The following CPSF4L variants were observed in gnomAD, a reference collection of about 807,000 sequenced individuals.
The protein encoded by CPSF4L is cleavage and polyadenylation specific factor 4 like.
Under a neutral mutation model 24.0 loss-of-function variants are expected in CPSF4L, and 18 were observed. The ratio of observed to expected loss-of-function variants is 0.75; its 90% confidence interval spans 0.52 to 1.11. The LOEUF is 1.11. Ranked by LOEUF, CPSF4L falls within the 50% of genes least tolerant of loss-of-function variation. The pLI is 0.00. For missense variants in CPSF4L, 211 were observed against 221.8 expected, an observed-to-expected ratio of 0.95 and a Z score of 0.31; for synonymous variants, 72 against 77.2, an observed-to-expected ratio of 0.93 and a Z score of 0.35.
rs1274947184 is a variant in CPSF4L, at chr17:73,251,062, C to G, written c.497+1568G>C. On this transcript the variant is annotated intron_variant, in intron 5 of 5. Coordinates refer to ENST00000344935, the MANE Select transcript of CPSF4L (RefSeq NM_001129885.1). Reference sequence around the variant, plus strand: ...GATGGGGGTTTCCAAGCTTCCACAGCAGAAATAGGAGGTGCTGAATCCCGG... The same window carrying G: ...GATGGGGGTTTCCAAGCTTCCACAGGAGAAATAGGAGGTGCTGAATCCCGG... The G allele has an allele frequency of 2.6e-6, 4 of 1,549,676 alleles. No homozygotes were observed. The Admixed American group carries it at 5.9e-5, about 23-fold the overall frequency.
chr17:73,246,736 A>G (rs546528795), downstream of CPSF4L, among the ~76,000 whole-genome samples: 5 of 152,304 alleles, frequency 3.3e-5, no homozygotes, highest in East Asian at 7.7e-4. Context: ...TCAGCAATAT[A>G]TCCCTGTATC....
intron 5 of CPSF4L, 114 bp downstream of exon 5, chr17:73,252,516 C>T (rs1411835275): frequency 2.8e-6 from 2 of 721,068 alleles, no homozygotes; most frequent in Non-Finnish European, 4.9e-6. Context: ...GGAGCGGATG[C>T]TTGCCAGATG....
chr17:73,257,948 CT>C, intron 2 of CPSF4L, 115 bp from the exon 3 acceptor site: 1 of 1,097,920 alleles, frequency 9.1e-7, no homozygotes, highest in Non-Finnish European at 1.3e-6. Flanking sequence ...CGGCTGTCCC[CT>C]TATCCCTTCA....
At chr17:73,242,309 TC>T in the CPSF4L span, 1 of 1,605,594 alleles carries the variant, frequency 6.2e-7, no homozygotes, top group Admixed American at 1.7e-5. Context: ...ACTTACAACC[TC>T]CAACTTCTCT....
rs1307926379 is a variant in CPSF4L at position 73,260,997 on chromosome 17, AG to A, written c.104-15del. On this transcript the variant is annotated splice_polypyrimidine_tract_variant and intron_variant, in intron 1 of 5. Coordinates refer to ENST00000344935, the MANE Select transcript of CPSF4L (RefSeq NM_001129885.1). Reference sequence around the variant, plus strand: ...CTGAGGCCGACTCTGGAAGGAGAAGAGGGAACGGAGAAGGTAGCTTCCCCAG... The same window carrying A: ...CTGAGGCCGACTCTGGAAGGAGAAGAGGAACGGAGAAGGTAGCTTCCCCAG... 6.5e-7 allele frequency: 1 copy of A among 1,548,978 alleles called. No individual in the cohort carries two copies. The highest frequency in any genetic ancestry group is 8.7e-7 in the Non-Finnish European group (1 of 1,145,262).
At chr17:73,261,517 T>C (rs979136421) in intron 1 of CPSF4L, among the ~76,000 whole-genome samples, 199 bp downstream of exon 1, 3 of 152,086 alleles carry the variant, frequency 2.0e-5, no homozygotes, top group Admixed American at 1.3e-4. Context: ...AAAAATCAGC[T>C]GGGCGTGGTG....
At chr17:73,262,008 G>C (rs917296757), upstream of CPSF4L, 23 of 590,718 alleles carry the variant, frequency 3.9e-5, no homozygotes, top group East Asian at 2.5e-4. Flanking sequence ...TGCCTCACCC[G>C]GCCCACCCAG....
At chr17:73,259,054 T>G (rs1361740233) in intron 2 of CPSF4L, among the ~76,000 whole-genome samples, 1 of 152,148 alleles carries the variant, frequency 6.6e-6, no homozygotes, top group African/African-American at 2.4e-5. Context: ...TTTATTTATT[T>G]ATTTGAGACA....
upstream of CPSF4L, chr17:73,262,092 C>T (rs527498244): frequency 5.4e-5 from 24 of 445,994 alleles, no homozygotes; most frequent in South Asian, 9.7e-5. Flanking sequence ...GGGAGGGATT[C>T]GCAGAGCCCC....
downstream of CPSF4L, chr17:73,247,247 T>C (rs763893760): frequency 9.9e-6 from 16 of 1,614,016 alleles, no homozygotes; most frequent in East Asian, 3.6e-4. Context: ...ACAGAAAAAT[T>C]GTGCCGACCC....
At chr17:73,263,224 G>C (rs1210263167), upstream of CPSF4L, among the ~76,000 whole-genome samples, 1 of 152,188 alleles carries the variant, frequency 6.6e-6, no homozygotes, top group Non-Finnish European at 1.5e-5. Flanking sequence ...GCGCAGGCAG[G>C]ACTGATGAGG....
intron 5 of CPSF4L, among the ~76,000 whole-genome samples, chr17:73,250,445 C>G (rs1469287472): frequency 6.6e-6 from 1 of 152,164 alleles, no homozygotes; most frequent in Non-Finnish European, 1.5e-5. Flanking sequence ...TTCAGGCATT[C>G]AAGCCCAGCA....
Position 73,250,624 on chromosome 17 carries a change from A to AT in CPSF4L, c.497+2005dup, listed in dbSNP as rs138270042. Among the ~76,000 whole-genome samples the AT allele has an allele frequency of 6.6e-5, 10 of 152,034 alleles. No individual in the cohort carries two copies. In the South Asian group the frequency reaches 8.3e-4, roughly 13 times the overall value. ...GAGAATGAAGATATGATCAAACATG[A>AT]TTTTTTTTCTTTCTGATAAACCAGA... On this transcript the variant is annotated intron_variant, in intron 5 of 5. Transcript: ENST00000344935.
At chr17:73,242,443 G>A in the CPSF4L span, 12 of 812,180 alleles carry the variant, frequency 1.5e-5, no homozygotes, top group Non-Finnish European at 2.3e-5. Context: ...CTAAAGAGGA[G>A]AGGAAAAAAA....
the CPSF4L span, chr17:73,242,367 G>T: frequency 6.6e-6 from 10 of 1,509,860 alleles, no homozygotes; most frequent in South Asian, 1.2e-5. Flanking sequence ...GCTGGAGTTT[G>T]ACTGTTGTCT....
At chr17:73,252,052 C>T (rs936003738) in intron 5 of CPSF4L, among the ~76,000 whole-genome samples, 9 of 152,304 alleles carry the variant, frequency 5.9e-5, no homozygotes, top group South Asian at 4.1e-4. Flanking sequence ...AGTGAGGGTT[C>T]GCTGGGAACC....
chr17:73,254,270 G>A (rs1205081928), intron 3 of CPSF4L, among the ~76,000 whole-genome samples: 1 of 152,246 alleles, frequency 6.6e-6, no homozygotes, highest in Non-Finnish European at 1.5e-5. Flanking sequence ...TAAGAGTGAG[G>A]GACCCCAGAT....
intron 5 of CPSF4L, chr17:73,250,390 C>A: frequency 6.8e-7 from 1 of 1,478,854 alleles, no homozygotes. Context: ...TGGTTAGCTA[C>A]CTTTGTGAGG....
At chr17:73,248,794 CTG>C (rs2061987478) in intron 5 of CPSF4L, 2 of 418,924 alleles carry the variant, frequency 4.8e-6, no homozygotes, top group South Asian at 9.9e-5. Flanking sequence ...ATCTGAAAGA[CTG>C]AGTTTACTTG....
Sources: allele counts gnomAD v4.1 joint callset (sites outside exome capture counted in the v4.1 genomes callset), GRCh38; gene constraint gnomAD v4.1.1; transcripts MANE v1.5; gene names NCBI Gene and HGNC (gene_info 2026-07-23, HGNC 2026-07-21).